Variants in BMP7 observed in about 807,000 individuals in gnomAD.
BMP7 encodes bone morphogenetic protein 7.
A neutral mutation model predicts 41.2 loss-of-function variants in BMP7; 12 were observed. That is an observed-to-expected ratio of 0.29 (90% CI 0.19 to 0.47). The LOEUF (loss-of-function observed/expected upper bound fraction) is 0.47, where lower values mean the gene tolerates loss of function less well. BMP7 is among the 20% of genes least tolerant of loss of function. The probability of loss-of-function intolerance (pLI) is 0.99; values close to 1 mark genes in which losing one functional copy is unlikely to be tolerated. For missense variants in BMP7, 467 were observed against 606.0 expected, an observed-to-expected ratio of 0.77 and a Z score of 2.41; for synonymous variants, 248 against 250.0, an observed-to-expected ratio of 0.99 and a Z score of 0.07.
At chr20:57,176,735 ACG>A (rs1983929921) in intron 4 of BMP7, among the ~76,000 whole-genome samples, 1 of 135,250 alleles carries the variant, frequency 7.4e-6, no homozygotes, top group Non-Finnish European at 1.6e-5. Flanking sequence ...ATTTGAAACT[ACG>A]CACATTCTCC....
At position 57,195,676 on chromosome 20, in the gene BMP7, G is replaced by A. The variant is rs1460843655; in HGVS notation, c.760+6799C>T. On this transcript the variant is annotated intron_variant, in intron 3 of 6. Transcript: ENST00000395863. ...GCCGCAGGCGAGTGGCTCACCTCCTGGCTCCTTCCTCAGCTGCCACAGCTG... is the reference window on the plus strand; with the variant it reads ...GCCGCAGGCGAGTGGCTCACCTCCTAGCTCCTTCCTCAGCTGCCACAGCTG... Among the ~76,000 whole-genome samples the A allele has an allele frequency of 1.3e-5, 2 of 152,386 alleles. 1 individual carries two copies. The highest frequency in any genetic ancestry group is 3.9e-4 in the East Asian group (2 of 5,192).
At chr20:57,193,910 G>C (rs1055325896) in intron 3 of BMP7, among the ~76,000 whole-genome samples, 21 of 152,214 alleles carry the variant, frequency 1.4e-4, no homozygotes, top group African/African-American at 3.9e-4. Context: ...CGATGGTCCA[G>C]AGCAGATTGG....
At chr20:57,191,255 G>C (rs933796652) in intron 3 of BMP7, among the ~76,000 whole-genome samples, 1 of 152,130 alleles carries the variant, frequency 6.6e-6, no homozygotes, top group Non-Finnish European at 1.5e-5. Context: ...TTCATGCCTC[G>C]GGTACTGAGC....
intron 1 of BMP7, among the ~76,000 whole-genome samples, chr20:57,254,895 C>T (rs1240073387): frequency 2.0e-5 from 3 of 152,172 alleles, no homozygotes; most frequent in Non-Finnish European, 4.4e-5. Flanking sequence ...CAATCTCTGG[C>T]TGGCTATGGA....
chr20:57,266,231 G>A lies in BMP7; in HGVS notation c.-109C>T. On this transcript the variant is annotated 5_prime_UTR_variant, in exon 1 of 7. Transcript: ENST00000395863. ...GCCGCTCGGTCACTTGCTGCAGACG[G>A]GCCCCGCTGCGCCCGCGCCAGACAT... 1 of 1,162,844 alleles carries A rather than the reference G, an allele frequency of 8.6e-7. No individual in the cohort carries two copies. Among genetic ancestry groups the A allele is most frequent in the Non-Finnish European group, 1.1e-6 (1 of 899,396 alleles). The allele number at this position is 1,162,844 out of a possible 1,614,324, so 72.0% of individuals were successfully genotyped here. A position where few individuals can be genotyped will look rare whatever the true frequency, so the allele number is the denominator to read the frequency against.
At chr20:57,231,885 T>C (rs1487495966) in intron 1 of BMP7, among the ~76,000 whole-genome samples, 1 of 152,214 alleles carries the variant, frequency 6.6e-6, no homozygotes, top group Non-Finnish European at 1.5e-5. Context: ...CAACTAAGGA[T>C]GGCTGAAGAG....
At chr20:57,221,463 A>G (rs1213887366) in intron 2 of BMP7, among the ~76,000 whole-genome samples, 1 of 152,172 alleles carries the variant, frequency 6.6e-6, no homozygotes, top group East Asian at 1.9e-4. Flanking sequence ...GAAAGATGGA[A>G]GCTTCTCATC....
chr20:57,170,408 C>T lies in BMP7; in HGVS notation c.*551G>A. The T allele has an allele frequency of 5.1e-6, 1 of 196,612 alleles. No individual in the cohort carries two copies. The highest frequency in any genetic ancestry group is 1.1e-5 in the Non-Finnish European group (1 of 94,298). 12.2% of individuals were successfully genotyped at this position (196,612 alleles called of 1,614,324 possible). A position where few individuals can be genotyped will look rare whatever the true frequency, so the allele number is the denominator to read the frequency against. Reference sequence around the variant, plus strand: ...TGGAGAGGGACCTCCCCGCCCTCCACTTGACACAGCTTCTGTTTACGCATC... The same window carrying T: ...TGGAGAGGGACCTCCCCGCCCTCCATTTGACACAGCTTCTGTTTACGCATC... On this transcript the variant is annotated 3_prime_UTR_variant, in exon 7 of 7. Coordinates refer to ENST00000395863, the MANE Select transcript of BMP7 (RefSeq NM_001719.3).
At chr20:57,190,746 C>T (rs572174615) in intron 3 of BMP7, among the ~76,000 whole-genome samples, 1 of 152,274 alleles carries the variant, frequency 6.6e-6, no homozygotes, top group South Asian at 2.1e-4. Flanking sequence ...ACACATACTA[C>T]CCTCCTCCTC....
intron 4 of BMP7, among the ~76,000 whole-genome samples, chr20:57,181,788 C>T (rs182739391): frequency 2.6e-5 from 4 of 152,276 alleles, no homozygotes; most frequent in African/African-American, 9.6e-5. Flanking sequence ...TTACATGGCT[C>T]CAACCACAGC....
chr20:57,183,737 T>G lies in BMP7; in HGVS notation c.943A>C (p.Met315Leu), dbSNP rs757417087. ...CTAAGCATACCTGCCACGTTGGCCATCCGCAGGGCTTCCTGGTTCTTGGGC... is the reference window on the plus strand; with the variant it reads ...CTAAGCATACCTGCCACGTTGGCCAGCCGCAGGGCTTCCTGGTTCTTGGGC... Reference protein sequence around the residue: ...KTPKNQEALRMANVAENSSSD... With the variant: ...KTPKNQEALRLANVAENSSSD... Residue 315 changes from methionine to leucine, a missense_variant, in exon 4 of 7, where the codon ATG becomes CTG. Transcript: ENST00000395863. 2 of 1,614,112 alleles carry G rather than the reference T, an allele frequency of 1.2e-6. No individual in the cohort carries two copies. The highest frequency in any genetic ancestry group is 2.2e-5 in the East Asian group (1 of 44,882).
chr20:57,222,327 T>TCAGGC (rs1258332272), intron 2 of BMP7, among the ~76,000 whole-genome samples: 2 of 152,128 alleles, frequency 1.3e-5, no homozygotes, highest in African/African-American at 4.8e-5. Flanking sequence ...CCAGATGGCC[T>TCAGGC]CAGGCCACAG....
At chr20:57,229,754 A>C (rs1294829711) in intron 1 of BMP7, among the ~76,000 whole-genome samples, 1 of 152,256 alleles carries the variant, frequency 6.6e-6, no homozygotes, top group African/African-American at 2.4e-5. Context: ...AAATACGATC[A>C]GCAATCTTCA....
At chr20:57,250,292 TATTAAATATATTATTTTA>T (rs1441107020) in intron 1 of BMP7, among the ~76,000 whole-genome samples, 1 of 96,540 alleles carries the variant, frequency 1.0e-5, no homozygotes, top group African/African-American at 6.1e-5. Flanking sequence ...AGTATATTTT[TATTAAATATATTATTTTA>T]ATATAAATAT....
chr20:57,180,248 C>T (rs1984045035), intron 4 of BMP7, among the ~76,000 whole-genome samples: 1 of 152,162 alleles, frequency 6.6e-6, no homozygotes, highest in South Asian at 2.1e-4. Flanking sequence ...AGTTCAAACT[C>T]AAGACGTGAC....
chr20:57,250,283 G>C (rs1351139179), intron 1 of BMP7, among the ~76,000 whole-genome samples: 1 of 97,770 alleles, frequency 1.0e-5, no homozygotes, highest in Non-Finnish European at 1.9e-5. Context: ...TATATATAGA[G>C]TATATTTTTA....
intron 2 of BMP7, among the ~76,000 whole-genome samples, chr20:57,223,871 A>G (rs554713542): frequency 2.0e-5 from 3 of 152,228 alleles, no homozygotes; most frequent in African/African-American, 7.2e-5. Context: ...TCCGCACATC[A>G]TAAGTTGCCA....
intron 1 of BMP7, among the ~76,000 whole-genome samples, chr20:57,246,022 A>C (rs1285857332): frequency 6.6e-6 from 1 of 152,172 alleles, no homozygotes; most frequent in Non-Finnish European, 1.5e-5. Context: ...GCTATTAGAA[A>C]ACAGGACAAT....
rs887254957 is a variant in BMP7 at position 57,213,115 on chromosome 20, C to A, written c.612-10492G>T. Among the ~76,000 whole-genome samples, 4 of 152,224 alleles carry A rather than the reference C, an allele frequency of 2.6e-5. No individual in the cohort carries two copies. Among genetic ancestry groups the A allele is most frequent in the African/African-American group, 9.6e-5 (4 of 41,454 alleles). On this transcript the variant is annotated intron_variant, in intron 2 of 6. Coordinates refer to ENST00000395863, the MANE Select transcript of BMP7 (RefSeq NM_001719.3). The surrounding 1 kb of genome is among the most constrained non-coding windows in gnomAD (Gnocchi z 4.4). ...CCTGCCCCAGACAGAGCTCGGGTGG[C>A]CACCCACGGCCCTCTCACCCACCCC... is the stretch of plus-strand genomic sequence containing the variant.
Sources: allele counts gnomAD v4.1 joint callset (sites outside exome capture counted in the v4.1 genomes callset), GRCh38; gene constraint gnomAD v4.1.1; non-coding constraint Gnocchi (gnomAD v3.1); transcripts MANE v1.5; gene names NCBI Gene and HGNC (gene_info 2026-07-23, HGNC 2026-07-21).